ZFHX3: variants seen among roughly 807,000 people sequenced by gnomAD.
ZFHX3 encodes zinc finger homeobox 3.
In ZFHX3, 42 loss-of-function variants were observed where a neutral mutation model predicts 279.1. The observed-to-expected ratio is 0.15, with a 90% CI of 0.12 to 0.19. ZFHX3 has a LOEUF of 0.19. Among genes scored for constraint, ZFHX3 ranks in the 10% least tolerant of loss-of-function variants. The probability of loss-of-function intolerance (pLI) is 1.00; values close to 1 mark genes in which losing one functional copy is unlikely to be tolerated. For missense variants in ZFHX3, 4,981 were observed against 4,754.0 expected (o/e 1.05, Z -1.40); for synonymous variants, 2,293 against 1,957.8 (o/e 1.17, Z -4.52).
intron 3 of ZFHX3, among the ~76,000 whole-genome samples, chr16:73,321,453 G>C (rs749726602): frequency 6.6e-6 from 1 of 152,172 alleles, no homozygotes; most frequent in African/African-American, 2.4e-5. Context: ...ACTCAGTCCA[G>C]GGCATGTACA....
intron 2 of ZFHX3, among the ~76,000 whole-genome samples, chr16:73,611,320 T>C (rs2052243952): frequency 6.6e-6 from 1 of 152,162 alleles, no homozygotes; most frequent in Admixed American, 6.5e-5. Context: ...TGAGGGCTTT[T>C]AGTTTCCCCT....
At chr16:73,856,421 C>T (rs1177452628) in intron 1 of ZFHX3, among the ~76,000 whole-genome samples, 1 of 152,182 alleles carries the variant, frequency 6.6e-6, no homozygotes, top group African/African-American at 2.4e-5. Flanking sequence ...CTACTCCCCC[C>T]AACCCCCACC....
In ZFHX3 at chr16:72,882,539, A is replaced by C. The variant is rs141209525; in HGVS notation, c.3448+7192T>G. On this transcript the variant is annotated intron_variant, in intron 4 of 9. Transcript: ENST00000268489. ...ACTGCTGAAAAGGTGCAAGTCCTGGAACAGCCAGCCAGGACACAGGAGGCT... is the reference window on the plus strand; with the variant it reads ...ACTGCTGAAAAGGTGCAAGTCCTGGCACAGCCAGCCAGGACACAGGAGGCT... 6.1e-3 allele frequency among the ~76,000 whole-genome samples: 936 copies of C among 152,280 alleles called. 10 individuals are homozygous for C. The highest frequency in any genetic ancestry group is 0.021 in the African/African-American group (881 of 41,550).
chr16:73,523,399 T>C (rs1216119717), intron 2 of ZFHX3, among the ~76,000 whole-genome samples: 1 of 152,158 alleles, frequency 6.6e-6, no homozygotes, highest in Non-Finnish European at 1.5e-5. Flanking sequence ...GCTGACAGCA[T>C]GTGATGTGCC....
chr16:73,545,117 GC>G (rs1243749330), intron 2 of ZFHX3, among the ~76,000 whole-genome samples: 3 of 151,986 alleles, frequency 2.0e-5, no homozygotes, highest in Non-Finnish European at 2.9e-5. Flanking sequence ...CCACAGTGAG[GC>G]CCCTCGGAAG....
chr16:73,338,202 C>T (rs1441682212), intron 3 of ZFHX3, among the ~76,000 whole-genome samples: 1 of 152,076 alleles, frequency 6.6e-6, no homozygotes, highest in Non-Finnish European at 1.5e-5. Flanking sequence ...TCACGTGGAC[C>T]CTCAGCCCTG....
chr16:72,821,570 C>T (rs2036791315), intron 5 of ZFHX3, among the ~76,000 whole-genome samples: 2 of 152,154 alleles, frequency 1.3e-5, no homozygotes, highest in South Asian at 2.1e-4. Flanking sequence ...TTGTTGTTTG[C>T]CTAAGGCCAA....
intron 2 of ZFHX3, among the ~76,000 whole-genome samples, chr16:73,509,727 G>A (rs1348732183): frequency 5.2e-5 from 7 of 133,500 alleles, no homozygotes; most frequent in East Asian, 2.2e-4. Flanking sequence ...ACAGGGTCTC[G>A]CTCTGTTGCC....
At chr16:72,805,834 G>A (rs2036247244) in intron 7 of ZFHX3, among the ~76,000 whole-genome samples, 1 of 152,034 alleles carries the variant, frequency 6.6e-6, no homozygotes, top group Non-Finnish European at 1.5e-5. Context: ...AGAATACTGG[G>A]CCATGGCGTC....
intron 1 of ZFHX3, among the ~76,000 whole-genome samples, chr16:73,836,236 G>T (rs922732489): frequency 6.6e-6 from 1 of 152,162 alleles, no homozygotes; most frequent in Admixed American, 6.5e-5. Flanking sequence ...CTGAAGAACA[G>T]TCATCTTATT....
intron 1 of ZFHX3, among the ~76,000 whole-genome samples, chr16:73,743,556 A>G (rs1199451855): frequency 6.6e-6 from 1 of 152,212 alleles, no homozygotes; most frequent in African/African-American, 2.4e-5. Context: ...CCTCTAGACA[A>G]TGCTGACAAT....
At chr16:73,411,600 G>T (rs142692064) in intron 3 of ZFHX3, among the ~76,000 whole-genome samples, 1 of 152,156 alleles carries the variant, frequency 6.6e-6, no homozygotes, top group Non-Finnish European at 1.5e-5. Context: ...CTGTGAGGGT[G>T]TTGGGGTATA....
At chr16:73,119,725 C>G (rs550874107) in intron 7 of ZFHX3, among the ~76,000 whole-genome samples, 1 of 152,242 alleles carries the variant, frequency 6.6e-6, no homozygotes, top group African/African-American at 2.4e-5. Flanking sequence ...TGCTCTATCC[C>G]CCAGGCTGGA....
At position 73,325,547 on chromosome 16, in the gene ZFHX3, C is replaced by T. The variant is rs150474864; in HGVS notation, c.-1290-7211G>A. Among the ~76,000 whole-genome samples, 328 of 152,186 alleles carry T rather than the reference C, an allele frequency of 2.2e-3. 1 individual carries two copies. The highest frequency in any genetic ancestry group is 7.7e-3 in the African/African-American group (320 of 41,518). ...CTTATTTCATATCATATGGCCATGC[C>T]TTGCTTCAAGGTAGGTGCGAAGTAG... is the stretch of plus-strand genomic sequence containing the variant. On this transcript the variant is annotated intron_variant, in intron 3 of 17. Transcript: ENST00000641206.
chr16:73,742,090 C>G (rs1004682968), intron 1 of ZFHX3, among the ~76,000 whole-genome samples: 1 of 152,168 alleles, frequency 6.6e-6, no homozygotes, highest in African/African-American at 2.4e-5. Flanking sequence ...TCATAACCAC[C>G]TCAAATTTCC....
At position 72,786,267 on chromosome 16, in the gene ZFHX3, C is replaced by G. The variant is rs537087028; in HGVS notation, c.*897G>C. 1 of 148,566 alleles carries G rather than the reference C, an allele frequency of 6.7e-6. No individual in the cohort carries two copies. The highest frequency in any genetic ancestry group is 2.1e-4 in the South Asian group (1 of 4,696). The allele number at this position is 148,566 out of a possible 1,614,324, so 9.2% of individuals were successfully genotyped here. A position where few individuals can be genotyped will look rare whatever the true frequency, so the allele number is the denominator to read the frequency against. ...TTTTTTTTTTTTTTTCCTTTTAAAT[C>G]TACCATACTGCTTCAGTTCATTTCC... is the stretch of plus-strand genomic sequence containing the variant. On this transcript the variant is annotated 3_prime_UTR_variant, in exon 10 of 10. Coordinates refer to ENST00000268489, the MANE Select transcript of ZFHX3 (RefSeq NM_006885.4).
intron 8 of ZFHX3, among the ~76,000 whole-genome samples, chr16:73,085,026 C>G (rs556669692): frequency 6.6e-6 from 1 of 152,146 alleles, no homozygotes; most frequent in South Asian, 2.1e-4. Context: ...CAGATGTATT[C>G]TGCACAGAAA....
chr16:73,656,302 G>T (rs907070320), intron 2 of ZFHX3, among the ~76,000 whole-genome samples: 2 of 152,156 alleles, frequency 1.3e-5, no homozygotes, highest in Admixed American at 6.5e-5. Flanking sequence ...AATGAATCTT[G>T]CAAGCATAAT....
intron 4 of ZFHX3, among the ~76,000 whole-genome samples, chr16:73,281,168 G>T (rs1359489898): frequency 1.3e-5 from 2 of 152,146 alleles, no homozygotes; most frequent in Non-Finnish European, 2.9e-5. Flanking sequence ...ATGATGGAAA[G>T]ATATCTGCAC....
Sources: allele counts gnomAD v4.1 joint callset (sites outside exome capture counted in the v4.1 genomes callset), GRCh38; gene constraint gnomAD v4.1.1; transcripts MANE v1.5; gene names NCBI Gene and HGNC (gene_info 2026-07-23, HGNC 2026-07-21).